The following CPEB4 variants were observed in gnomAD, a reference collection of about 807,000 sequenced individuals.
CPEB4 encodes cytoplasmic polyadenylation element binding protein 4, also known as cytoplasmic polyadenylation element-binding protein 4.
A neutral mutation model predicts 72.5 loss-of-function variants in CPEB4; 12 were observed. The ratio of observed to expected loss-of-function variants is 0.17; its 90% CI spans 0.11 to 0.27. The LOEUF (loss-of-function observed/expected upper bound fraction) is 0.27, where lower values mean the gene tolerates loss of function less well. Among genes scored for constraint, CPEB4 ranks in the 10% least tolerant of loss-of-function variants. The pLI, the probability that CPEB4 is intolerant of heterozygous loss-of-function variation, is 1.00. For synonymous variants in CPEB4, 302 were observed against 326.3 expected (o/e 0.93, Z 0.80); for missense variants, 614 against 908.5 (o/e 0.68, Z 4.17).
rs757814742 is a variant in CPEB4, at chr5:173,956,002, T to C, written c.2055T>C (p.Ala685=). ...CGGKFAPFFC[A]NVTCLQYYCE... ...GGAAATTTGCTCCATTTTTCTGTGC[T>C]AATGTTACCTGTCTGCAGTATTACT... is the stretch of plus-strand genomic sequence containing the variant. The change falls in exon 10 of 10, where the codon GCT becomes GCC. Residue 685 remains alanine, a synonymous_variant. Transcript: ENST00000265085. 5.6e-6 allele frequency: 9 copies of C among 1,614,084 alleles called. No individual in the cohort carries two copies. Among genetic ancestry groups the C allele is most frequent in the Admixed American group, 3.3e-5 (2 of 60,004 alleles).
At chr5:173,937,215 G>T (rs1380466136) in intron 3 of CPEB4, among the ~76,000 whole-genome samples, 1 of 151,840 alleles carries the variant, frequency 6.6e-6, no homozygotes, top group African/African-American at 2.4e-5. Flanking sequence ...GCTAATTTTT[G>T]TATTCTTAGT....
rs767477847 is a variant in CPEB4 at position 173,890,322 on chromosome 5, G to C, written c.589G>C (p.Ala197Pro). ...ASFFHQGGVP[A>P]ASANNGALLF... ...TTTCTTTCACCAGGGAGGGGTCCCTGCTGCTTCGGCTAATAACGGTGCTCT... is the reference window on the plus strand; with the variant it reads ...TTTCTTTCACCAGGGAGGGGTCCCTCCTGCTTCGGCTAATAACGGTGCTCT... Residue 197 changes from alanine to proline, a missense_variant, in exon 1 of 10, where the codon GCT becomes CCT. Physicochemically the swap from Ala to Pro is conservative, Grantham distance 27. This residue lies in a region of CPEB4 where 458 missense variants were observed against 548.6 expected (regional missense o/e 0.83). Transcript: ENST00000265085. The C allele has an allele frequency of 1.9e-6, 3 of 1,614,036 alleles. No individual in the cohort carries two copies. In the East Asian group the frequency reaches 6.7e-5, roughly 36 times the overall value.
chr5:173,933,120 T>C (rs1191208706), intron 3 of CPEB4, among the ~76,000 whole-genome samples: 1 of 152,232 alleles, frequency 6.6e-6, no homozygotes, highest in African/African-American at 2.4e-5. Context: ...TTTAGTATCA[T>C]GGTCTAAAAC....
At chr5:173,949,869 C>T (rs1298580929) in intron 6 of CPEB4, 91 bp from the exon 7 acceptor site, 6 of 900,798 alleles carry the variant, frequency 6.7e-6, no homozygotes, top group Admixed American at 4.6e-5. Context: ...ATTCCTTTTT[C>T]CTTTCTTTAG....
intron 7 of CPEB4, among the ~76,000 whole-genome samples, chr5:173,951,416 G>C (rs746813008): frequency 1.9e-4 from 29 of 152,120 alleles, no homozygotes; most frequent in Admixed American, 3.9e-4. Context: ...GCATTTCCTA[G>C]ACATACACTG....
rs190672019 is a variant in CPEB4, at chr5:173,928,139, C to T, written c.1208-4311C>T. Among the ~76,000 whole-genome samples, 12 of 152,020 alleles carry T rather than the reference C, an allele frequency of 7.9e-5. No individual in the cohort carries two copies. The East Asian group carries it at 1.7e-3, about 22-fold the overall frequency. On this transcript the variant is annotated intron_variant, in intron 2 of 9. Coordinates refer to ENST00000265085, the MANE Select transcript of CPEB4 (RefSeq NM_030627.4). Reference sequence around the variant, plus strand: ...AAAAAGGTCAGGGGTTGGGGGCTGGCGAAGAGGGATGAATAGGGGGAGCAC... The same window carrying T: ...AAAAAGGTCAGGGGTTGGGGGCTGGTGAAGAGGGATGAATAGGGGGAGCAC...
chr5:173,890,450 C>G lies in CPEB4; in HGVS notation c.717C>G (p.Phe239Leu). The G allele has an allele frequency of 6.2e-7, 1 of 1,612,576 alleles. No individual in the cohort carries two copies. Among genetic ancestry groups the G allele is most frequent in the Non-Finnish European group, 8.5e-7 (1 of 1,179,118 alleles). Reference sequence around the variant, plus strand: ...AGCACCACCCACATCACCCTCATTTCCAGCATCATCACAGCCAGCATCAGC... The same window carrying G: ...AGCACCACCCACATCACCCTCATTTGCAGCATCATCACAGCCAGCATCAGC... ...LSQHHPHHPH[F>L]QHHHSQHQQQ... The change falls in exon 1 of 10, where the codon TTC becomes TTG. Residue 239 changes from phenylalanine (F) to leucine (L), a missense_variant. By Grantham distance (22) the Phe-to-Leu change is conservative. This residue lies in a region of CPEB4 where 458 missense variants were observed against 548.6 expected (regional missense o/e 0.83). Coordinates refer to ENST00000265085, the MANE Select transcript of CPEB4 (RefSeq NM_030627.4).
In CPEB4 at chr5:173,943,170, G is replaced by A; in HGVS notation, c.1282+121G>A. ...AATGAAGCATAGCTTTGATCCTTAG[G>A]TAATTTTTGTGTTACAGTTAACATT... On this transcript the variant is annotated intron_variant, in intron 4 of 9. Transcript: ENST00000265085. The A allele has an allele frequency of 3.2e-6, 3 of 948,982 alleles. No homozygotes were observed. In the Admixed American group the frequency reaches 8.0e-5, roughly 25 times the overall value. 58.8% of individuals were successfully genotyped at this position (948,982 alleles called of 1,614,324 possible). A position where few individuals can be genotyped will look rare whatever the true frequency, so the allele number is the denominator to read the frequency against.
chr5:173,923,983 C>T (rs1416078502), intron 2 of CPEB4, among the ~76,000 whole-genome samples: 3 of 152,148 alleles, frequency 2.0e-5, no homozygotes, highest in African/African-American at 7.2e-5. Context: ...ACTAGTTTCT[C>T]TCTGGACATT....
At chr5:173,914,131 C>T (rs929123707) in intron 2 of CPEB4, among the ~76,000 whole-genome samples, 3 of 152,138 alleles carry the variant, frequency 2.0e-5, no homozygotes, top group African/African-American at 2.4e-5. Context: ...ATTATAGTTA[C>T]GCTTGTTTTC....
chr5:173,956,251 T>A lies in CPEB4; in HGVS notation c.*114T>A. ...ATGTCCTTTTGTAGCAGTCTGTAAC[T>A]TAACTATAGTATAATGAAAAGAATG... On this transcript the variant is annotated 3_prime_UTR_variant, in exon 10 of 10. Coordinates refer to ENST00000265085, the MANE Select transcript of CPEB4 (RefSeq NM_030627.4). 1.4e-6 allele frequency: 1 copy of A among 739,158 alleles called. No individual in the cohort carries two copies. Among genetic ancestry groups the A allele is most frequent in the Non-Finnish European group, 2.3e-6 (1 of 434,436 alleles). 45.8% of individuals were successfully genotyped at this position (739,158 alleles called of 1,614,324 possible). A position where few individuals can be genotyped will look rare whatever the true frequency, so the allele number is the denominator to read the frequency against.
rs1172266412 is a variant in CPEB4, at chr5:173,888,492, G to A, written c.-1242G>A. 2.3e-6 allele frequency: 1 copy of A among 428,174 alleles called. No individual in the cohort carries two copies. Among genetic ancestry groups the A allele is most frequent in the African/African-American group, 2.0e-5 (1 of 48,870 alleles). The allele number at this position is 428,174 out of a possible 1,614,324, so 26.5% of individuals were successfully genotyped here. On this transcript the variant is annotated 5_prime_UTR_variant, in exon 1 of 10. Coordinates refer to ENST00000265085, the MANE Select transcript of CPEB4 (RefSeq NM_030627.4). The surrounding 1 kb of genome is among the most constrained non-coding windows in gnomAD (Gnocchi z 4.3). ...AAGGAAAGAAAAAGAAGAACCAGGAGGAGTCCTCAACAACGACAGCGGGGA... is the reference window on the plus strand; with the variant it reads ...AAGGAAAGAAAAAGAAGAACCAGGAAGAGTCCTCAACAACGACAGCGGGGA...
chr5:173,940,799 A>G lies in CPEB4; in HGVS notation c.1259-2227A>G, dbSNP rs958995042. ...ATTAATTTCCTGATTTGATTGGGCA[A>G]CTTTTATAGTTGTAAACATTATTCA... On this transcript the variant is annotated intron_variant, in intron 3 of 9. Transcript: ENST00000265085. Among the ~76,000 whole-genome samples, 3 of 152,202 alleles carry G rather than the reference A, an allele frequency of 2.0e-5. No individual in the cohort carries two copies. In the East Asian group the frequency reaches 5.8e-4, roughly 29 times the overall value.
In CPEB4 at chr5:173,947,155, T is replaced by G. The variant is rs138094868; in HGVS notation, c.1456+2015T>G. Among the ~76,000 whole-genome samples, 26 of 152,206 alleles carry G rather than the reference T, an allele frequency of 1.7e-4. No individual in the cohort carries two copies. The East Asian group carries it at 4.4e-3, about 26-fold the overall frequency. On this transcript the variant is annotated intron_variant, in intron 5 of 9. Coordinates refer to ENST00000265085, the MANE Select transcript of CPEB4 (RefSeq NM_030627.4). The stretch of plus-strand genomic sequence containing the variant: ...ATTATCAGGTCTTATCTACACATGC[T>G]TACCTACTCTTTCTAGAAGTCTCTT...
At position 173,890,116 on chromosome 5, in the gene CPEB4, A is replaced by G. The variant is rs972076442; in HGVS notation, c.383A>G (p.Asn128Ser). The change falls in exon 1 of 10, where the codon AAT (asparagine) becomes AGT (serine). Residue 128 changes from asparagine (N) to serine (S), a missense_variant. Asn to Ser is a conservative substitution (Grantham distance 46). Around this residue, in one of 5 missense-constraint regions of CPEB4, gnomAD observed 458 missense variants for 548.6 expected, o/e 0.83. Coordinates refer to ENST00000265085, the MANE Select transcript of CPEB4 (RefSeq NM_030627.4). ...NQGDNSSENG[N>S]GKEKIRIESP... ...GGGGACAATTCTTCGGAAAATGGCA[A>G]TGGGAAGGAGAAAATAAGGATCGAA... 4 of 1,614,076 alleles carry G rather than the reference A, an allele frequency of 2.5e-6. No individual in the cohort carries two copies. The highest frequency in any genetic ancestry group is 1.7e-5 in the Admixed American group (1 of 60,010).
rs1011917307 is a variant in CPEB4, at chr5:173,960,451, G to A, written c.*4314G>A. ...TAGGAAAAAATCTTCAGTCATATAA[G>A]TACTGTGGCCAGTGTGCATTCTTAT... On this transcript the variant is annotated 3_prime_UTR_variant, in exon 10 of 10. Coordinates refer to ENST00000265085, the MANE Select transcript of CPEB4 (RefSeq NM_030627.4). The A allele has an allele frequency of 2.6e-5, 4 of 152,360 alleles. No homozygotes were observed. Among genetic ancestry groups the A allele is most frequent in the Admixed American group, 2.6e-4 (4 of 15,278 alleles). 9.4% of individuals were successfully genotyped at this position (152,360 alleles called of 1,614,324 possible).
chr5:173,910,882 AT>A (rs148708540), intron 2 of CPEB4: 91 of 302,300 alleles, frequency 3.0e-4, no homozygotes, highest in Middle Eastern at 9.2e-4. Context: ...CCTTATTATT[AT>A]TTTTTTTATA....
Position 173,889,935 on chromosome 5 carries a change from C to G in CPEB4, c.202C>G (p.His68Asp), listed in dbSNP as rs2113108697. The G allele has an allele frequency of 6.2e-7, 1 of 1,614,110 alleles. No individual in the cohort carries two copies. Among genetic ancestry groups the G allele is most frequent in the Non-Finnish European group, 8.5e-7 (1 of 1,180,004 alleles). The change falls in exon 1 of 10, where the codon CAT becomes GAT. Residue 68 changes from histidine to aspartate, a missense_variant. Coordinates refer to ENST00000265085, the MANE Select transcript of CPEB4 (RefSeq NM_030627.4). The stretch of plus-strand genomic sequence containing the variant: ...TTGGCTTTTTCCTGCTCCAGCTACC[C>G]ATAACATTCAGGATGAGATCTTGGG... ...SAWLFPAPAT[H>D]NIQDEILGSE...
In CPEB4 at chr5:173,888,650, T is replaced by C. The variant is rs1755694399; in HGVS notation, c.-1084T>C. ...AGAGAAAGCCGAGGGGGGAGGCCCT[T>C]CTCCTTTAAAATAACTACGGTAGTG... is the stretch of plus-strand genomic sequence containing the variant. On this transcript the variant is annotated 5_prime_UTR_variant, in exon 1 of 10. Transcript: ENST00000265085. This position sits in a 1 kb window ranked among gnomAD's most constrained non-coding sequence, Gnocchi z 4.3. 7.5e-6 allele frequency: 3 copies of C among 400,672 alleles called. No individual in the cohort carries two copies. The highest frequency in any genetic ancestry group is 1.3e-5 in the Non-Finnish European group (3 of 226,984). 24.8% of individuals were successfully genotyped at this position (400,672 alleles called of 1,614,324 possible). A position where few individuals can be genotyped will look rare whatever the true frequency, so the allele number is the denominator to read the frequency against.
Sources: allele counts gnomAD v4.1 joint callset (sites outside exome capture counted in the v4.1 genomes callset), GRCh38; gene constraint gnomAD v4.1.1; regional missense constraint gnomAD v4.1.1; non-coding constraint Gnocchi (gnomAD v3.1); transcripts MANE v1.5; gene names NCBI Gene and HGNC (gene_info 2026-07-23, HGNC 2026-07-21).